CDH13: variants seen among roughly 807,000 people sequenced by gnomAD.
CDH13 encodes cadherin 13.
CDH13 carries 24 observed loss-of-function variants against 63.8 expected under a neutral mutation model. The observed-to-expected ratio is 0.38, with a 90% confidence interval of 0.27 to 0.53. The LOEUF (loss-of-function observed/expected upper bound fraction) is 0.53. Among genes scored for constraint, CDH13 ranks in the 20% least tolerant of loss-of-function variants. CDH13 has a pLI of 0.85. For missense variants in CDH13, 1,049 were observed against 903.1 expected (o/e 1.16, Z -2.07); for synonymous variants, 503 against 355.3 (o/e 1.42, Z -4.67).
chr16:82,828,151 A>G lies in CDH13; in HGVS notation c.46-30211A>G, dbSNP rs146904270. Among the ~76,000 whole-genome samples, 9 of 152,248 alleles carry G rather than the reference A, an allele frequency of 5.9e-5. No individual in the cohort carries two copies. The East Asian group carries it at 1.7e-3, about 30-fold the overall frequency. ...TTTCTATGAGATCAAGGTTTTCAAT[A>G]CCATCACAGAACCATTTCTGGAGCT... On this transcript the variant is annotated intron_variant, in intron 1 of 13. Coordinates refer to ENST00000567109, the MANE Select transcript of CDH13 (RefSeq NM_001257.5).
At chr16:83,292,284 A>C (rs1280518566) in intron 5 of CDH13, among the ~76,000 whole-genome samples, 1 of 152,172 alleles carries the variant, frequency 6.6e-6, no homozygotes, top group African/African-American at 2.4e-5. Context: ...AAGTGGCTTC[A>C]TTAATGTTGC....
chr16:83,702,151 T>C (rs969632547), intron 10 of CDH13, among the ~76,000 whole-genome samples: 11 of 152,184 alleles, frequency 7.2e-5, no homozygotes, highest in African/African-American at 2.7e-4. Flanking sequence ...TTCCTTGGGG[T>C]GTAATACAAA....
intron 5 of CDH13, among the ~76,000 whole-genome samples, chr16:83,260,863 A>T (rs1906901688): frequency 6.6e-6 from 1 of 152,156 alleles, no homozygotes; most frequent in Non-Finnish European, 1.5e-5. Flanking sequence ...AATGTATTTG[A>T]AAAGCATGCA....
intron 6 of CDH13, among the ~76,000 whole-genome samples, chr16:83,392,783 C>T (rs934003789): frequency 1.3e-5 from 2 of 151,914 alleles, no homozygotes; most frequent in African/African-American, 4.8e-5. Flanking sequence ...CTAAATTATG[C>T]GGTGCCATCT....
chr16:82,681,206 T>G (rs767563927), intron 1 of CDH13, among the ~76,000 whole-genome samples: 2 of 152,198 alleles, frequency 1.3e-5, no homozygotes, highest in Non-Finnish European at 2.9e-5. Context: ...TACTCTTACA[T>G]GCAATAACAG....
intron 6 of CDH13, among the ~76,000 whole-genome samples, chr16:83,405,609 A>G (rs2092030670): frequency 6.6e-6 from 1 of 152,202 alleles, no homozygotes; most frequent in Non-Finnish European, 1.5e-5. Flanking sequence ...CAGAGAATAC[A>G]TTTGTGTTGT....
At chr16:82,673,010 T>C (rs796663348) in intron 1 of CDH13, among the ~76,000 whole-genome samples, 9 of 134,416 alleles carry the variant, frequency 6.7e-5, no homozygotes, top group Admixed American at 5.9e-4. Context: ...TTTTTTTTTT[T>C]TTTTTTTTTG....
chr16:82,930,316 G>C (rs576423793), intron 2 of CDH13, among the ~76,000 whole-genome samples: 1 of 152,168 alleles, frequency 6.6e-6, no homozygotes, highest in Admixed American at 6.5e-5. Flanking sequence ...GTGTACTCTT[G>C]TGTGTCTGTA....
At chr16:83,144,588 A>C (rs544019079) in intron 4 of CDH13, among the ~76,000 whole-genome samples, 3 of 152,348 alleles carry the variant, frequency 2.0e-5, no homozygotes, top group African/African-American at 7.2e-5. Context: ...ATAAATAGCT[A>C]TTCCTGGAGG....
At chr16:83,439,739 C>T (rs572954736) in intron 6 of CDH13, among the ~76,000 whole-genome samples, 49 of 152,276 alleles carry the variant, frequency 3.2e-4, no homozygotes, top group Middle Eastern at 3.4e-3. Context: ...TTGGTATTCT[C>T]TGAAATCATG....
At chr16:83,251,129 A>T (rs1159155407) in intron 5 of CDH13, among the ~76,000 whole-genome samples, 2 of 152,078 alleles carry the variant, frequency 1.3e-5, no homozygotes, top group South Asian at 2.1e-4. Context: ...TCACATCTTG[A>T]TTGTATCCTA....
intron 13 of CDH13, among the ~76,000 whole-genome samples, chr16:83,788,107 C>A (rs1056348086): frequency 1.3e-5 from 2 of 152,088 alleles, no homozygotes; most frequent in African/African-American, 4.8e-5. Flanking sequence ...GTGTGTGTAC[C>A]CAGAAAGTAG....
intron 2 of CDH13, among the ~76,000 whole-genome samples, chr16:83,013,671 T>A (rs1403596889): frequency 1.3e-5 from 2 of 152,204 alleles, no homozygotes; most frequent in Admixed American, 6.5e-5. Context: ...TAGATGTCAG[T>A]GTGATACCTG....
At chr16:82,802,892 T>C (rs1294424636) in intron 1 of CDH13, among the ~76,000 whole-genome samples, 2 of 152,168 alleles carry the variant, frequency 1.3e-5, no homozygotes, top group African/African-American at 4.8e-5. Flanking sequence ...GCATGTGTGC[T>C]TTACCTTTGC....
rs1433962322 is a variant in CDH13 at position 83,047,019 on chromosome 16, C to G, written c.366+14801C>G. ...ACTGTCTATCTTTCTGCAGCAAATCCTTTGACAGAGAATGTGCACTGTCAA... is the reference window on the plus strand; with the variant it reads ...ACTGTCTATCTTTCTGCAGCAAATCGTTTGACAGAGAATGTGCACTGTCAA... On this transcript the variant is annotated intron_variant, in intron 3 of 13. Transcript: ENST00000567109. The surrounding 1 kb of genome is among the most constrained non-coding windows in gnomAD (Gnocchi z 4.9). Among the ~76,000 whole-genome samples, 1 of 152,180 alleles carries G rather than the reference C, an allele frequency of 6.6e-6. No homozygotes were observed. Among genetic ancestry groups the G allele is most frequent in the African/African-American group, 2.4e-5 (1 of 41,428 alleles).
intron 11 of CDH13, among the ~76,000 whole-genome samples, chr16:83,756,934 C>A (rs1336421311): frequency 6.6e-6 from 1 of 152,172 alleles, no homozygotes; most frequent in African/African-American, 2.4e-5. Context: ...CAAATTTCAT[C>A]AACTAACATA....
Position 83,240,784 on chromosome 16 carries a change from A to T in CDH13, c.636+23287A>T, listed in dbSNP as rs1417880597. Among the ~76,000 whole-genome samples the T allele has an allele frequency of 1.0e-4, 12 of 120,112 alleles. No individual in the cohort carries two copies. The Admixed American group carries it at 1.1e-3, about 11-fold the overall frequency. The allele number at this position is 120,112 out of a possible 152,430, so 78.8% of individuals were successfully genotyped here. On this transcript the variant is annotated intron_variant, in intron 5 of 13. Coordinates refer to ENST00000567109, the MANE Select transcript of CDH13 (RefSeq NM_001257.5). Reference sequence around the variant, plus strand: ...ACTGTGTTGTCCAAGCTGGCTTCTAACTCCTGTGCTCAAGTGATCCTCCTG... The same window carrying T: ...ACTGTGTTGTCCAAGCTGGCTTCTATCTCCTGTGCTCAAGTGATCCTCCTG...
chr16:83,240,860 C>T (rs1904375526), intron 5 of CDH13, among the ~76,000 whole-genome samples: 1 of 151,514 alleles, frequency 6.6e-6, no homozygotes, highest in Non-Finnish European at 1.5e-5. Context: ...CTGTGCCTAG[C>T]TTCTTAACCA....
At chr16:82,661,285 C>T (rs1006355553) in intron 1 of CDH13, among the ~76,000 whole-genome samples, 2 of 152,226 alleles carry the variant, frequency 1.3e-5, no homozygotes, top group Admixed American at 6.5e-5. Flanking sequence ...GCTCTGATCA[C>T]AGCTTAATTA....
Sources: allele counts gnomAD v4.1 joint callset (sites outside exome capture counted in the v4.1 genomes callset), GRCh38; gene constraint gnomAD v4.1.1; non-coding constraint Gnocchi (gnomAD v3.1); transcripts MANE v1.5; gene names NCBI Gene and HGNC (gene_info 2026-07-23, HGNC 2026-07-21).